The following KIAA1671 variants were observed in gnomAD, a reference collection of about 807,000 sequenced individuals.
KIAA1671 encodes the protein KIAA1671, also known as uncharacterized protein KIAA1671.
A neutral mutation model predicts 131.2 loss-of-function variants in KIAA1671; 52 were observed. The ratio of observed to expected loss-of-function variants is 0.40; its 90% CI spans 0.32 to 0.50. The LOEUF is 0.50. Among genes scored for constraint, KIAA1671 ranks in the 20% least tolerant of loss-of-function variants. The pLI is 0.73. For missense variants in KIAA1671, 2,360 were observed against 2,364.2 expected, an observed-to-expected ratio of 1.00 and a Z score of 0.04; for synonymous variants, 1,003 against 961.6, an observed-to-expected ratio of 1.04 and a Z score of -0.80.
intron 6 of KIAA1671, among the ~76,000 whole-genome samples, chr22:25,080,580 G>T (rs1250031279): frequency 2.0e-5 from 3 of 152,128 alleles, no homozygotes; most frequent in African/African-American, 7.2e-5. Flanking sequence ...ACAGGGCCTG[G>T]CTCTGTCACC....
At chr22:25,186,572 G>A (rs950295575) in intron 11 of KIAA1671, 1 of 152,252 alleles carries the variant, frequency 6.6e-6, no homozygotes, top group Non-Finnish European at 1.5e-5. Flanking sequence ...CTCCAGTCTG[G>A]GCAATGCAGT....
At chr22:25,038,284 G>T (rs1926724670) in intron 4 of KIAA1671, among the ~76,000 whole-genome samples, 1 of 152,210 alleles carries the variant, frequency 6.6e-6, no homozygotes, top group South Asian at 2.1e-4. Flanking sequence ...TTACAGGCGT[G>T]AGCCACCGCG....
At chr22:25,012,067 A>G (rs970680000) in intron 1 of KIAA1671, 1 of 152,232 alleles carries the variant, frequency 6.6e-6, no homozygotes, top group Non-Finnish European at 1.5e-5. Flanking sequence ...GGAAGCTGAG[A>G]AAGCAAGTCT....
At chr22:25,122,407 C>T (rs912372975) in intron 6 of KIAA1671, among the ~76,000 whole-genome samples, 1 of 152,108 alleles carries the variant, frequency 6.6e-6, no homozygotes, top group Admixed American at 6.5e-5. Context: ...AAGTTACTAC[C>T]CTTTCCCTAG....
chr22:25,001,034 T>G (rs920189100), intron 1 of KIAA1671, among the ~76,000 whole-genome samples: 7 of 152,044 alleles, frequency 4.6e-5, no homozygotes, highest in Non-Finnish European at 8.8e-5. Flanking sequence ...TGTGTATGTG[T>G]GTAAAGTAAC....
intron 6 of KIAA1671, among the ~76,000 whole-genome samples, chr22:25,143,074 C>G (rs774246527): frequency 9.2e-5 from 14 of 152,172 alleles, no homozygotes; most frequent in African/African-American, 2.9e-4. Flanking sequence ...TTTTCACAAG[C>G]CTTCACCCTT....
chr22:25,036,795 A>G (rs1027364649), intron 4 of KIAA1671, among the ~76,000 whole-genome samples: 3 of 152,094 alleles, frequency 2.0e-5, no homozygotes, highest in African/African-American at 7.2e-5. Context: ...GTGGTGGTGC[A>G]TGCCTGTAAT....
At chr22:25,001,417 A>C (rs1924475369) in intron 1 of KIAA1671, among the ~76,000 whole-genome samples, 1 of 152,156 alleles carries the variant, frequency 6.6e-6, no homozygotes, top group Admixed American at 6.6e-5. Flanking sequence ...ACTTTGTGAA[A>C]AATTTTCACT....
At chr22:25,149,070 A>G (rs1932953603) in intron 6 of KIAA1671, among the ~76,000 whole-genome samples, 1 of 149,004 alleles carries the variant, frequency 6.7e-6, no homozygotes, top group Non-Finnish European at 1.5e-5. Context: ...GAGCACCGTA[A>G]CAATCACAAT....
At chr22:25,013,139 C>G (rs1925124996) in intron 1 of KIAA1671, 1 of 152,144 alleles carries the variant, frequency 6.6e-6, no homozygotes, top group African/African-American at 2.4e-5. Context: ...GTCAATTGCC[C>G]TGGAGGGTTG....
At position 25,078,917 on chromosome 22, in the gene KIAA1671, A is replaced by G. The variant is rs146438606; in HGVS notation, c.4530+29553A>G. 2.5e-3 allele frequency among the ~76,000 whole-genome samples: 377 copies of G among 152,252 alleles called. 8 individuals are homozygous for G. The highest frequency in any genetic ancestry group is 0.02 in the Admixed American group (299 of 15,292). On this transcript the variant is annotated intron_variant, in intron 6 of 12. Transcript: ENST00000358431. ...TTGGAGTCAGTCTCTCCTGGCTTCT[A>G]TTCCCTACTGGGCCACTTATTAATA...
chr22:25,148,413 C>G (rs753901309), intron 6 of KIAA1671, among the ~76,000 whole-genome samples: 74 of 152,264 alleles, frequency 4.9e-4, no homozygotes, highest in Non-Finnish European at 6.9e-4. Context: ...TAAGTGGTCT[C>G]AGAGAGTTAT....
intron 2 of KIAA1671, among the ~76,000 whole-genome samples, chr22:25,027,240 G>A (rs1158201541): frequency 6.6e-6 from 1 of 152,134 alleles, no homozygotes; most frequent in Non-Finnish European, 1.5e-5. Flanking sequence ...GGAAGGGTGG[G>A]GGAGGGGAAA....
chr22:25,060,247 G>A (rs1456557752), intron 6 of KIAA1671: 1 of 152,214 alleles, frequency 6.6e-6, no homozygotes, highest in Non-Finnish European at 1.5e-5. Flanking sequence ...CAGTGGCATG[G>A]TCTTGGCTCA....
chr22:25,118,766 C>G (rs184876951), intron 6 of KIAA1671, among the ~76,000 whole-genome samples: 1 of 152,282 alleles, frequency 6.6e-6, no homozygotes, highest in East Asian at 1.9e-4. Flanking sequence ...TGCCTCCCTG[C>G]TAACATCAGC....
intron 1 of KIAA1671, among the ~76,000 whole-genome samples, chr22:24,996,925 G>T (rs1602054901): frequency 6.6e-6 from 1 of 152,196 alleles, no homozygotes; most frequent in East Asian, 1.9e-4. Flanking sequence ...ATAGGTTGCA[G>T]TGCTAGATTC....
chr22:25,016,285 C>T (rs1925315771), intron 1 of KIAA1671, among the ~76,000 whole-genome samples: 1 of 152,156 alleles, frequency 6.6e-6, no homozygotes, highest in Admixed American at 6.5e-5. Flanking sequence ...TCCCAAAGTG[C>T]TGGGATTACA....
intron 1 of KIAA1671, among the ~76,000 whole-genome samples, chr22:24,979,600 C>T (rs1028605926): frequency 5.9e-5 from 9 of 151,978 alleles, no homozygotes; most frequent in East Asian, 1.9e-4. Context: ...CCGCCCGCCT[C>T]GGCCTCCCAA....
chr22:25,029,161 GA>G lies in KIAA1671; in HGVS notation c.1166del (p.Lys389ArgfsTer23). The G allele has an allele frequency of 6.9e-7, 1 of 1,456,174 alleles. No individual in the cohort carries two copies. The highest frequency in any genetic ancestry group is 9.1e-7 in the Non-Finnish European group (1 of 1,101,810). 90.2% of individuals were successfully genotyped at this position (1,456,174 alleles called of 1,614,324 possible). On this transcript the variant is annotated frameshift_variant, in exon 3 of 13. Transcript: ENST00000358431. LOFTEE classifies it high-confidence loss of function. ...TPSNDQSPWE[E>X]KAKLDPEPEK... ...CAGCAATGACCAGAGTCCCTGGGAA[GA>G]AAAGGCCAAGCTGGACCCAGAGCCA...
Sources: allele counts gnomAD v4.1 joint callset (sites outside exome capture counted in the v4.1 genomes callset), GRCh38; gene constraint gnomAD v4.1.1; transcripts MANE v1.5; gene names NCBI Gene and HGNC (gene_info 2026-07-23, HGNC 2026-07-21).